Variants in MFHAS1 observed in about 807,000 individuals in gnomAD.
The protein encoded by MFHAS1 is malignant fibrous histiocytoma-amplified sequence 1.
MFHAS1 carries 50 observed loss-of-function variants against 70.4 expected under a neutral mutation model. That is an observed-to-expected ratio of 0.71 (90% CI 0.57 to 0.90). The LOEUF is 0.90. Ranked by LOEUF, MFHAS1 falls within the 40% of genes least tolerant of loss-of-function variation. MFHAS1 has a pLI of 0.00. For synonymous variants in MFHAS1, 952 were observed against 620.0 expected (o/e 1.54, Z -7.96); for missense variants, 1,795 against 1,347.6 (o/e 1.33, Z -5.20).
At chr8:8,791,182 G>A (rs951064889) in intron 2 of MFHAS1, among the ~76,000 whole-genome samples, 2 of 135,272 alleles carry the variant, frequency 1.5e-5, no homozygotes, top group Non-Finnish European at 3.1e-5. Context: ...AAATCAGAAT[G>A]AACTAACTTC....
chr8:8,879,238 G>A (rs919808212), intron 1 of MFHAS1, among the ~76,000 whole-genome samples: 3 of 152,094 alleles, frequency 2.0e-5, no homozygotes, highest in African/African-American at 4.8e-5. Context: ...TGTAGTCCCA[G>A]CTAGTTGGGA....
At chr8:8,827,726 A>G (rs1807215171) in intron 1 of MFHAS1, among the ~76,000 whole-genome samples, 1 of 152,168 alleles carries the variant, frequency 6.6e-6, no homozygotes, top group Non-Finnish European at 1.5e-5. Context: ...TTTCCTCATG[A>G]AATTTTTCTT....
In MFHAS1 at chr8:8,797,375, G is replaced by A; in HGVS notation, c.3115C>T (p.Pro1039Ser). Reference protein sequence around the residue: ...VYPPTPTVISPCSKKNVGEKH... With the variant: ...VYPPTPTVISSCSKKNVGEKH... ...ACTTTGAGAACTCACTTGGAACAGG[G>A]GCTGATCACAGTCGGCGTGGGTGGG... is the stretch of plus-strand genomic sequence containing the variant. Residue 1039 changes from proline to serine, a missense_variant, in exon 2 of 3, where the codon CCC (proline) becomes TCC (serine). Coordinates refer to ENST00000276282, the MANE Select transcript of MFHAS1 (RefSeq NM_004225.3). The A allele has an allele frequency of 6.2e-7, 1 of 1,614,034 alleles. No homozygotes were observed. The highest frequency in any genetic ancestry group is 8.5e-7 in the Non-Finnish European group (1 of 1,179,982).
chr8:8,880,498 A>G (rs1017501337), intron 1 of MFHAS1, among the ~76,000 whole-genome samples: 3 of 152,178 alleles, frequency 2.0e-5, no homozygotes, highest in African/African-American at 4.8e-5. Context: ...ACATCACCCA[A>G]AAGGCAGAAT....
chr8:8,855,076 T>C (rs1402211008), intron 1 of MFHAS1, among the ~76,000 whole-genome samples: 2 of 152,082 alleles, frequency 1.3e-5, no homozygotes, highest in African/African-American at 4.8e-5. Context: ...TCAGTATATA[T>C]GGGGGGTTTG....
chr8:8,890,488 C>T lies in MFHAS1; in HGVS notation c.2571G>A (p.Glu857=), dbSNP rs1401487757. The part of the protein sequence containing the change: ...WYKFPCYVQN[E]VPHAEAWING... ...TAATCCAGGCTTCTGCATGGGGCAC[C>T]TCGTTCTGCACATAGCATGGGAACT... Residue 857 remains glutamate, a synonymous_variant, in exon 1 of 3, where the codon GAG becomes GAA. Coordinates refer to ENST00000276282, the MANE Select transcript of MFHAS1 (RefSeq NM_004225.3). 6.2e-7 allele frequency: 1 copy of T among 1,613,860 alleles called. No homozygotes were observed. The highest frequency in any genetic ancestry group is 8.5e-7 in the Non-Finnish European group (1 of 1,180,040).
chr8:8,874,965 A>G (rs1467948222), intron 1 of MFHAS1, among the ~76,000 whole-genome samples: 2 of 152,102 alleles, frequency 1.3e-5, no homozygotes, highest in African/African-American at 4.8e-5. Context: ...GAGGATTCAG[A>G]AAAGAAGCAA....
At position 8,783,866 on chromosome 8, in the gene MFHAS1, A is replaced by C. The variant is rs1805444701; in HGVS notation, c.*2156T>G. The stretch of plus-strand genomic sequence containing the variant: ...TATCTCCAACCCTCCTCCCAACTTG[A>C]AACAAATTCTCAAGCTTCTCTGGAG... On this transcript the variant is annotated 3_prime_UTR_variant, in exon 3 of 3. Transcript: ENST00000276282. The C allele has an allele frequency of 6.6e-6, 1 of 152,122 alleles. No individual in the cohort carries two copies. Among genetic ancestry groups the C allele is most frequent in the African/African-American group, 2.4e-5 (1 of 41,390 alleles). 9.4% of individuals were successfully genotyped at this position (152,122 alleles called of 1,614,324 possible). A position where few individuals can be genotyped will look rare whatever the true frequency, so the allele number is the denominator to read the frequency against.
Position 8,875,153 on chromosome 8 carries a change from G to T in MFHAS1, c.2998+14908C>A, listed in dbSNP as rs540404917. ...CGTGCCCATCCTCATGGGAAGCAAC[G>T]TAAACGTGCATTGAGATTTAATGAC... On this transcript the variant is annotated intron_variant, in intron 1 of 2. Coordinates refer to ENST00000276282, the MANE Select transcript of MFHAS1 (RefSeq NM_004225.3). Among the ~76,000 whole-genome samples, 3 of 152,284 alleles carry T rather than the reference G, an allele frequency of 2.0e-5. No homozygotes were observed. In the East Asian group the frequency reaches 5.8e-4, roughly 29 times the overall value.
chr8:8,893,125 C>G lies in MFHAS1; in HGVS notation c.-67G>C, dbSNP rs1180581191. The stretch of plus-strand genomic sequence containing the variant: ...CCGCAGCTACATGCCGCGCCGCGCC[C>G]CGGGCCCTCCGGCTCCTGCCCCTGC... On this transcript the variant is annotated 5_prime_UTR_variant, in exon 1 of 3. Coordinates refer to ENST00000276282, the MANE Select transcript of MFHAS1 (RefSeq NM_004225.3). 2 of 1,194,358 alleles carry G rather than the reference C, an allele frequency of 1.7e-6. No individual in the cohort carries two copies. Among genetic ancestry groups the G allele is most frequent in the Non-Finnish European group, 2.2e-6 (2 of 918,314 alleles). 74.0% of individuals were successfully genotyped at this position (1,194,358 alleles called of 1,614,324 possible). A position where few individuals can be genotyped will look rare whatever the true frequency, so the allele number is the denominator to read the frequency against.
At chr8:8,875,621 C>T (rs560389202) in intron 1 of MFHAS1, among the ~76,000 whole-genome samples, 51 of 152,174 alleles carry the variant, frequency 3.4e-4, no homozygotes, top group African/African-American at 9.9e-4. Context: ...GAGTCAGTCT[C>T]GCTCTGTCAC....
At chr8:8,829,931 G>T (rs769044670) in intron 1 of MFHAS1, among the ~76,000 whole-genome samples, 9 of 152,224 alleles carry the variant, frequency 5.9e-5, no homozygotes, top group Admixed American at 2.6e-4. Context: ...CCATACAGAA[G>T]ATTCTTCACT....
intron 1 of MFHAS1, among the ~76,000 whole-genome samples, chr8:8,828,320 G>C (rs866892499): frequency 3.9e-5 from 6 of 152,354 alleles, no homozygotes; most frequent in African/African-American, 1.2e-4. Flanking sequence ...CTTACACTTA[G>C]GTGCGGTGAA....
intron 1 of MFHAS1, among the ~76,000 whole-genome samples, chr8:8,815,068 C>T (rs908367619): frequency 1.3e-5 from 2 of 152,040 alleles, no homozygotes; most frequent in African/African-American, 4.8e-5. Context: ...TCCCTGTGTC[C>T]ATGGGTTCTC....
chr8:8,870,370 G>A (rs1300349068), intron 1 of MFHAS1, among the ~76,000 whole-genome samples: 6 of 151,960 alleles, frequency 3.9e-5, no homozygotes, highest in Admixed American at 6.6e-5. Flanking sequence ...GGAGGCTGCA[G>A]TGGAAGGATA....
At chr8:8,839,973 G>A (rs1340922648) in intron 1 of MFHAS1, among the ~76,000 whole-genome samples, 1 of 152,094 alleles carries the variant, frequency 6.6e-6, no homozygotes, top group Non-Finnish European at 1.5e-5. Context: ...AAACCCACTA[G>A]TATTTGAATG....
Position 8,891,150 on chromosome 8 carries a change from G to A in MFHAS1, c.1909C>T (p.Arg637Cys), listed in dbSNP as rs1810005909. The A allele has an allele frequency of 6.2e-7, 1 of 1,613,642 alleles. No individual in the cohort carries two copies. The highest frequency in any genetic ancestry group is 8.5e-7 in the Non-Finnish European group (1 of 1,180,044). ...ACTGACAGCAACTTGTCCCGAAGGC[G>A]TCGTAAGTGGCGCGGGTCCCTGCAG... ...VSCRDPRHLR[R>C]LRDKLLSVAE... The change falls in exon 1 of 3, where the codon CGC becomes TGC. Residue 637 changes from arginine (R) to cysteine (C), a missense_variant. Coordinates refer to ENST00000276282, the MANE Select transcript of MFHAS1 (RefSeq NM_004225.3). This position sits in a 1 kb window ranked among gnomAD's most constrained non-coding sequence, Gnocchi z 5.4.
rs931327861 is a variant in MFHAS1 at position 8,892,814 on chromosome 8, A to T, written c.245T>A (p.Leu82Gln). The T allele has an allele frequency of 6.3e-7, 1 of 1,590,398 alleles. No homozygotes were observed. The highest frequency in any genetic ancestry group is 8.6e-7 in the Non-Finnish European group (1 of 1,169,014). Reference sequence around the variant, plus strand: ...GCGCAGGCTGCCCAGCGCCGACCCCAGCCCCTCGGGTACCTCCTCCAGGCC... The same window carrying T: ...GCGCAGGCTGCCCAGCGCCGACCCCTGCCCCTCGGGTACCTCCTCCAGGCC... ...NNGLEEVPEG[L>Q]GSALGSLRVL... is the part of the protein sequence containing the mutation. The change falls in exon 1 of 3, where the codon CTG becomes CAG. Residue 82 changes from leucine (L) to glutamine (Q), a missense_variant. Physicochemically the swap from Leu to Gln is moderately radical, Grantham distance 113 (BLOSUM62 -2). Transcript: ENST00000276282. This position sits in a 1 kb window ranked among gnomAD's most constrained non-coding sequence, Gnocchi z 4.7.
At chr8:8,860,499 T>C (rs916349142) in intron 1 of MFHAS1, among the ~76,000 whole-genome samples, 1 of 152,222 alleles carries the variant, frequency 6.6e-6, no homozygotes, top group African/African-American at 2.4e-5. Flanking sequence ...GGCATCAAGG[T>C]GACCAACCTA....
Sources: gnomAD v4.1 joint callset for allele counts (sites outside exome capture counted in the v4.1 genomes callset) on GRCh38, gnomAD v4.1.1 for gene constraint, Gnocchi (gnomAD v3.1) non-coding constraint, MANE v1.5 for transcripts, NCBI Gene and HGNC (gene_info 2026-07-23, HGNC 2026-07-21) for gene names.